TRAPPC9: variants seen among roughly 807,000 people sequenced by gnomAD.
TRAPPC9 encodes IKK2 binding protein.
Under a neutral mutation model 124.0 loss-of-function variants are expected in TRAPPC9, and 83 were observed. That is an observed-to-expected ratio of 0.67 (90% CI 0.56 to 0.80). The LOEUF (loss-of-function observed/expected upper bound fraction) is 0.80. TRAPPC9 is among the 30% of genes least tolerant of loss of function. The pLI is 0.00. For missense variants in TRAPPC9, 1,302 were observed against 1,508.3 expected (o/e 0.86, Z 2.27); for synonymous variants, 638 against 617.5 (o/e 1.03, Z -0.49).
At chr8:139,945,527 T>C (rs59528200) in intron 19 of TRAPPC9, among the ~76,000 whole-genome samples, 5,766 of 110,824 alleles carry the variant, frequency 0.052, 184 homozygotes, top group Middle Eastern at 0.27. Flanking sequence ...CTCTCCACAA[T>C]TGACAGCACA....
At chr8:140,094,105 G>T (rs1300596698) in intron 17 of TRAPPC9, among the ~76,000 whole-genome samples, 3 of 152,020 alleles carry the variant, frequency 2.0e-5, no homozygotes, top group Non-Finnish European at 4.4e-5. Flanking sequence ...CCCACTCATC[G>T]CACCTCACCC....
chr8:140,316,235 C>T (rs989899566), intron 9 of TRAPPC9, among the ~76,000 whole-genome samples: 2 of 152,082 alleles, frequency 1.3e-5, no homozygotes, highest in Non-Finnish European at 2.9e-5. Context: ...TGAACTAATA[C>T]AAGACTGAAG....
chr8:139,916,387 C>T (rs1000706208), intron 19 of TRAPPC9: 1 of 152,196 alleles, frequency 6.6e-6, no homozygotes, highest in Non-Finnish European at 1.5e-5. Flanking sequence ...ATTCTGAAAC[C>T]CGCATTACAG....
At chr8:139,935,011 G>A (rs1352251860) in intron 19 of TRAPPC9, among the ~76,000 whole-genome samples, 7 of 152,188 alleles carry the variant, frequency 4.6e-5, no homozygotes, top group African/African-American at 7.2e-5. Context: ...TACATCACAC[G>A]GAGAAGACAG....
At chr8:140,402,999 G>A (rs12056947) in intron 6 of TRAPPC9, among the ~76,000 whole-genome samples, 42,368 of 152,072 alleles carry the variant, frequency 0.28, 6,847 homozygotes, top group South Asian at 0.43. Flanking sequence ...TAATAACGGT[G>A]AATACAGATA....
At chr8:139,806,556 G>C (rs1290393346) in intron 21 of TRAPPC9, among the ~76,000 whole-genome samples, 2 of 152,216 alleles carry the variant, frequency 1.3e-5, no homozygotes, top group Admixed American at 6.5e-5. Context: ...AGCTCCCCAA[G>C]GGTGTACCTG....
intron 19 of TRAPPC9, among the ~76,000 whole-genome samples, chr8:139,940,051 A>G (rs1173764981): frequency 6.6e-6 from 1 of 152,210 alleles, no homozygotes; most frequent in Non-Finnish European, 1.5e-5. Flanking sequence ...CAGCCCAAAT[A>G]TACCTGCGAG....
At chr8:140,413,643 A>C (rs2069788882) in intron 5 of TRAPPC9, among the ~76,000 whole-genome samples, 1 of 138,350 alleles carries the variant, frequency 7.2e-6, no homozygotes, top group African/African-American at 2.7e-5. Flanking sequence ...TATATCTCCT[A>C]ATGCTATCCC....
At chr8:140,161,982 T>G (rs2061759497) in intron 17 of TRAPPC9, among the ~76,000 whole-genome samples, 1 of 152,156 alleles carries the variant, frequency 6.6e-6, no homozygotes, top group African/African-American at 2.4e-5. Flanking sequence ...AGAGGAGCCC[T>G]GAGCTGTCTT....
At chr8:140,194,035 C>T (rs1442418133) in intron 17 of TRAPPC9, among the ~76,000 whole-genome samples, 3 of 152,160 alleles carry the variant, frequency 2.0e-5, no homozygotes, top group African/African-American at 4.8e-5. Context: ...ATTCTAATCC[C>T]GGTTTTAATC....
intron 21 of TRAPPC9, among the ~76,000 whole-genome samples, chr8:139,868,264 C>T (rs1357716620): frequency 6.6e-6 from 1 of 152,134 alleles, no homozygotes; most frequent in Admixed American, 6.5e-5. Context: ...AAAGCTGAGG[C>T]AGAATTGCCT....
chr8:140,220,860 T>C (rs1312301193), intron 17 of TRAPPC9, among the ~76,000 whole-genome samples: 2 of 152,084 alleles, frequency 1.3e-5, no homozygotes, highest in Non-Finnish European at 2.9e-5. Context: ...TCTTAGGCCC[T>C]GCAGTCCTCC....
intron 7 of TRAPPC9, among the ~76,000 whole-genome samples, chr8:140,389,027 A>G (rs62529440): frequency 0.27 from 37,955 of 138,788 alleles, 5,431 homozygotes; most frequent in African/African-American, 0.31. Context: ...GCGCGATCTC[A>G]GCTCACTGCA....
intron 20 of TRAPPC9, among the ~76,000 whole-genome samples, chr8:139,899,051 C>T (rs1346959157): frequency 7.6e-6 from 1 of 131,804 alleles, no homozygotes; most frequent in Non-Finnish European, 1.5e-5. Flanking sequence ...ACCCAGGAGG[C>T]AGAGGCTGCA....
At position 140,183,878 on chromosome 8, in the gene TRAPPC9, AAGAAGAAGAAG is replaced by A. The variant is rs1563825752; in HGVS notation, c.2556+37570_2556+37580del. The stretch of plus-strand genomic sequence containing the variant: ...AAAAAAAAAAAAGAAGAAGAAGAAG[AAGAAGAAGAAG>A]AGGAGAGGAGAGGAGAGGAGAGGAG... On this transcript the variant is annotated intron_variant, in intron 17 of 22. Transcript: ENST00000438773. Among the ~76,000 whole-genome samples, 4 of 108,228 alleles carry A rather than the reference AAGAAGAAGAAG, an allele frequency of 3.7e-5. 1 individual carries two copies. The highest frequency in any genetic ancestry group is 5.1e-4 in the East Asian group (2 of 3,908). The allele number at this position is 108,228 out of a possible 152,430, so 71.0% of individuals were successfully genotyped here.
At chr8:140,195,228 T>C (rs2062615726) in intron 17 of TRAPPC9, among the ~76,000 whole-genome samples, 1 of 149,040 alleles carries the variant, frequency 6.7e-6, no homozygotes, top group East Asian at 2.0e-4. Context: ...TGATCCACCG[T>C]ACAGATAACA....
At chr8:139,834,472 G>GGGC (rs1314356714) in intron 21 of TRAPPC9, among the ~76,000 whole-genome samples, 1 of 152,246 alleles carries the variant, frequency 6.6e-6, no homozygotes, top group Non-Finnish European at 1.5e-5. Flanking sequence ...TGAGGAAGGG[G>GGGC]GGCGGGCACA....
chr8:140,179,224 C>G (rs1463884035), intron 17 of TRAPPC9, among the ~76,000 whole-genome samples: 6 of 152,144 alleles, frequency 3.9e-5, no homozygotes, highest in Non-Finnish European at 7.4e-5. Flanking sequence ...CTACAAATTT[C>G]CATTGAGGCA....
intron 7 of TRAPPC9, among the ~76,000 whole-genome samples, chr8:140,395,100 T>C (rs1039349700): frequency 6.6e-6 from 1 of 152,228 alleles, no homozygotes; most frequent in African/African-American, 2.4e-5. Flanking sequence ...TCTGACCATC[T>C]TTACCAGAAA....
Sources: allele counts gnomAD v4.1 joint callset (sites outside exome capture counted in the v4.1 genomes callset), GRCh38; gene constraint gnomAD v4.1.1; transcripts MANE v1.5; gene names NCBI Gene and HGNC (gene_info 2026-07-23, HGNC 2026-07-21).